The following ASB3 variants were observed in gnomAD, a reference collection of about 807,000 sequenced individuals.
The protein encoded by ASB3 is ankyrin repeat and SOCS box containing 3.
In ASB3, 41 loss-of-function variants were observed where a neutral mutation model predicts 54.5. That is an observed-to-expected ratio of 0.75 (90% CI 0.59 to 0.98). The LOEUF is 0.98. Ranked by LOEUF, ASB3 falls within the 50% of genes least tolerant of loss-of-function variation. ASB3 has a pLI of 0.00. For synonymous variants in ASB3, 266 were observed against 221.2 expected (o/e 1.20, Z -1.80); for missense variants, 733 against 620.0 (o/e 1.18, Z -1.94).
chr2:53,773,564 G>A (rs565784469), intron 1 of ASB3, among the ~76,000 whole-genome samples: 1 of 152,118 alleles, frequency 6.6e-6, no homozygotes, highest in Non-Finnish European at 1.5e-5. Context: ...CTGAGTAGCT[G>A]GGATTACAAG....
chr2:53,775,574 C>A (rs1206838508), intron 1 of ASB3, among the ~76,000 whole-genome samples: 4 of 152,212 alleles, frequency 2.6e-5, no homozygotes, highest in Non-Finnish European at 5.9e-5. Context: ...CTCCCAGGTT[C>A]AAGGAATTCT....
chr2:53,703,725 A>C (rs563814448), intron 7 of ASB3, among the ~76,000 whole-genome samples: 12 of 152,224 alleles, frequency 7.9e-5, no homozygotes, highest in South Asian at 4.1e-4. Flanking sequence ...TAGTGCAAGA[A>C]AGTCCACAAA....
chr2:53,686,027 T>C (rs910304704), intron 9 of ASB3, among the ~76,000 whole-genome samples: 1 of 152,154 alleles, frequency 6.6e-6, no homozygotes, highest in African/African-American at 2.4e-5. Flanking sequence ...GATGCAGAAG[T>C]GAGGTTCTGG....
intron 3 of ASB3, among the ~76,000 whole-genome samples, chr2:53,732,084 G>A (rs188471373): frequency 8.5e-4 from 129 of 151,912 alleles, no homozygotes; most frequent in East Asian, 5.8e-3. Context: ...TCAACCTCCC[G>A]AGTAGCTGGG....
At chr2:53,731,782 C>A (rs58359565) in intron 3 of ASB3, among the ~76,000 whole-genome samples, 36,561 of 151,868 alleles carry the variant, frequency 0.24, 4,554 homozygotes, top group East Asian at 0.44. Flanking sequence ...CCTCCCAAGT[C>A]GCTGGGATTA....
chr2:53,773,985 C>T (rs1573019784), intron 1 of ASB3, among the ~76,000 whole-genome samples: 1 of 152,044 alleles, frequency 6.6e-6, no homozygotes, highest in Non-Finnish European at 1.5e-5. Context: ...CAGTAGGCCA[C>T]GATCGTGCCA....
At chr2:53,767,230 A>T (rs1673524800) in intron 1 of ASB3, 1 of 152,232 alleles carries the variant, frequency 6.6e-6, no homozygotes, top group Admixed American at 6.5e-5. Context: ...AATTTGTGTA[A>T]AATTTAAATA....
At chr2:53,786,778 G>C (rs1675043037) in intron 1 of ASB3, 43 bp downstream of exon 1, 1 of 171,456 alleles carries the variant, frequency 5.8e-6, no homozygotes, top group South Asian at 1.6e-4. Context: ...AGAGCAGCGG[G>C]AATGGCTTCA....
At chr2:53,768,818 A>T (rs192094389) in intron 1 of ASB3, among the ~76,000 whole-genome samples, 1 of 152,246 alleles carries the variant, frequency 6.6e-6, no homozygotes, top group Non-Finnish European at 1.5e-5. Context: ...TGCTTATGCA[A>T]ATCAGCTTTG....
intron 3 of ASB3, among the ~76,000 whole-genome samples, chr2:53,747,763 G>A (rs1450404009): frequency 6.6e-6 from 1 of 152,058 alleles, no homozygotes; most frequent in African/African-American, 2.4e-5. Flanking sequence ...AATAAACAAG[G>A]GAGTAATAAT....
intron 1 of ASB3, among the ~76,000 whole-genome samples, chr2:53,777,446 TATTCTTTATCAA>T (rs1674402792): frequency 6.6e-6 from 1 of 152,218 alleles, no homozygotes; most frequent in Non-Finnish European, 1.5e-5. Flanking sequence ...ACTCTTACAC[TATTCTTTATCAA>T]ATACACAAAC....
chr2:53,710,869 GTAATCCCA>G (rs1670055386), intron 7 of ASB3, among the ~76,000 whole-genome samples: 1 of 152,088 alleles, frequency 6.6e-6, no homozygotes, highest in African/African-American at 2.4e-5. Context: ...GCTCACGCCT[GTAATCCCA>G]GCACTTTGAG....
intron 5 of ASB3, among the ~76,000 whole-genome samples, chr2:53,722,487 T>C (rs978594960): frequency 2.0e-5 from 3 of 152,186 alleles, no homozygotes; most frequent in Admixed American, 2.0e-4. Flanking sequence ...CATGATCAAG[T>C]AGGCTTCATT....
chr2:53,688,109 G>A lies in ASB3; in HGVS notation c.1369+5775C>T, dbSNP rs1255396755. Among the ~76,000 whole-genome samples, 4 of 152,126 alleles carry A rather than the reference G, an allele frequency of 2.6e-5. No individual in the cohort carries two copies. In the East Asian group the frequency reaches 5.8e-4, roughly 22 times the overall value. ...TGGGATTACAGGCGTAAGCCACCAC[G>A]CCTGGCCTATTTGTTGTTTTTATTG... On this transcript the variant is annotated intron_variant, in intron 9 of 9. Coordinates refer to ENST00000263634, the MANE Select transcript of ASB3 (RefSeq NM_016115.5).
chr2:53,693,763 A>C, intron 9 of ASB3, 121 bp downstream of exon 9: 2 of 1,396,070 alleles, frequency 1.4e-6, no homozygotes, highest in Non-Finnish European at 1.9e-6. Context: ...TCACATAAGA[A>C]AATGCAAATT....
chr2:53,670,729 C>A, intron 9 of ASB3, 39 bp from the exon 10 acceptor site: 1 of 1,582,638 alleles, frequency 6.3e-7, no homozygotes, highest in Non-Finnish European at 8.6e-7. Flanking sequence ...CTTTTTTAAA[C>A]AGAAAGATGT....
At chr2:53,729,619 G>A (rs941963940) in intron 3 of ASB3, 49 bp from the exon 4 acceptor site, 1 of 1,528,818 alleles carries the variant, frequency 6.5e-7, no homozygotes, top group African/African-American at 1.4e-5. Flanking sequence ...AGGCATGTTT[G>A]TAGGACTGGA....
At chr2:53,785,938 A>G (rs1257706207) in intron 1 of ASB3, among the ~76,000 whole-genome samples, 4 of 152,188 alleles carry the variant, frequency 2.6e-5, no homozygotes, top group African/African-American at 9.7e-5. Context: ...ATTCTGAAGA[A>G]AGTTATCTTC....
At chr2:53,784,572 C>T (rs1674828579) in intron 1 of ASB3, among the ~76,000 whole-genome samples, 1 of 152,178 alleles carries the variant, frequency 6.6e-6, no homozygotes, top group African/African-American at 2.4e-5. Context: ...AGGATTCTTC[C>T]TTGCCTCTTC....
Sources: allele counts gnomAD v4.1 joint callset (sites outside exome capture counted in the v4.1 genomes callset), GRCh38; gene constraint gnomAD v4.1.1; transcripts MANE v1.5; gene names NCBI Gene and HGNC (gene_info 2026-07-23, HGNC 2026-07-21).